The following ADGRL2 variants were observed in gnomAD, a reference collection of about 807,000 sequenced individuals.
ADGRL2 encodes calcium-independent alpha-latrotoxin receptor 2.
In ADGRL2, 44 loss-of-function variants were observed where a neutral mutation model predicts 157.4. The observed-to-expected ratio is 0.28, with a 90% confidence interval of 0.22 to 0.36. The LOEUF (loss-of-function observed/expected upper bound fraction) is 0.36. Among genes scored for constraint, ADGRL2 ranks in the 10% least tolerant of loss-of-function variants. The probability of loss-of-function intolerance (pLI) is 1.00; values close to 1 mark genes in which losing one functional copy is unlikely to be tolerated. For missense variants in ADGRL2, 1,510 were observed against 1,768.9 expected, an observed-to-expected ratio of 0.85 and a Z score of 2.63; for synonymous variants, 585 against 624.7, an observed-to-expected ratio of 0.94 and a Z score of 0.95.
intron 3 of ADGRL2, among the ~76,000 whole-genome samples, chr1:81,599,506 A>C (rs1186367048): frequency 6.6e-6 from 1 of 152,172 alleles, no homozygotes; most frequent in East Asian, 1.9e-4. Flanking sequence ...AGGAGTGTGT[A>C]GATGTTGTCT....
chr1:81,590,882 C>A (rs1557487880), intron 3 of ADGRL2, among the ~76,000 whole-genome samples: 1 of 152,146 alleles, frequency 6.6e-6, no homozygotes, highest in East Asian at 1.9e-4. Flanking sequence ...TCCTGTGTTA[C>A]AACAGAACAA....
rs562809401 is a variant in ADGRL2, at chr1:81,545,894, T to G, written c.-247-34982T>G. On this transcript the variant is annotated intron_variant, in intron 2 of 24. Transcript: ENST00000370721. ...AAAACAAGAGCCATGGGGCACACAC[T>G]GGCCTGGCCCTGACCATCACTACAT... Among the ~76,000 whole-genome samples the G allele has an allele frequency of 6.7e-4, 102 of 152,256 alleles. No individual in the cohort carries two copies. In the South Asian group the frequency reaches 0.021, roughly 31 times the overall value.
chr1:81,362,841 C>G (rs2076002810), intron 1 of ADGRL2, among the ~76,000 whole-genome samples: 1 of 152,014 alleles, frequency 6.6e-6, no homozygotes, highest in East Asian at 1.9e-4. Context: ...AGTGGTTAGC[C>G]CATGATTTAC....
At chr1:81,636,950 C>T (rs2082126825) in intron 3 of ADGRL2, among the ~76,000 whole-genome samples, 1 of 152,172 alleles carries the variant, frequency 6.6e-6, no homozygotes, top group Non-Finnish European at 1.5e-5. Context: ...ATTCTCCTGC[C>T]TCAACCTCCC....
At chr1:81,408,097 T>TA (rs2076886256) in intron 1 of ADGRL2, among the ~76,000 whole-genome samples, 1 of 152,228 alleles carries the variant, frequency 6.6e-6, no homozygotes, top group Non-Finnish European at 1.5e-5. Context: ...TCTCATTTGT[T>TA]ACGATGTACA....
chr1:81,987,643 T>A (rs1233137334), intron 22 of ADGRL2, among the ~76,000 whole-genome samples: 4 of 151,628 alleles, frequency 2.6e-5, no homozygotes, highest in African/African-American at 7.2e-5. Flanking sequence ...TAGCTTATTT[T>A]AAATAAAAGT....
At chr1:81,432,815 A>C (rs2077345582) in intron 1 of ADGRL2, among the ~76,000 whole-genome samples, 1 of 152,214 alleles carries the variant, frequency 6.6e-6, no homozygotes. Context: ...TTCCCTTGGA[A>C]GGCTTGGGGC....
chr1:81,984,498 C>T (rs1015555872), intron 19 of ADGRL2, 85 bp from the exon 20 acceptor site: 203 of 1,294,414 alleles, frequency 1.6e-4, no homozygotes, highest in Non-Finnish European at 1.9e-4. Flanking sequence ...TAATTCTTTT[C>T]GGTTGTCTTC....
At position 81,966,068 on chromosome 1, in the gene ADGRL2, T is replaced by C; in HGVS notation, c.2028T>C (p.Val676=). The C allele has an allele frequency of 6.2e-7, 1 of 1,613,946 alleles. No individual in the cohort carries two copies. The highest frequency in any genetic ancestry group is 8.5e-7 in the Non-Finnish European group (1 of 1,179,906). Residue 676 remains valine (V), a synonymous_variant, in exon 12 of 24, where the codon GTT becomes GTC. Coordinates refer to ENST00000686636, the MANE Select transcript of ADGRL2 (RefSeq NM_001366006.2). ...SMPTENIVLE[V]AVLSTEGQIQ... is the part of the protein sequence containing the mutation. ...TTTTCCCTCATCCAGTCCTGGAAGTTGCCGTACTCAGTACAGAAGGACAGA... is the reference window on the plus strand; with the variant it reads ...TTTTCCCTCATCCAGTCCTGGAAGTCGCCGTACTCAGTACAGAAGGACAGA...
intron 2 of ADGRL2, among the ~76,000 whole-genome samples, chr1:81,523,898 C>T (rs1185301418): frequency 1.3e-5 from 2 of 151,810 alleles, no homozygotes; most frequent in Non-Finnish European, 2.9e-5. Context: ...CTCGTCTCTA[C>T]TAAAAATACA....
chr1:81,374,578 G>GA (rs71242588), intron 1 of ADGRL2, among the ~76,000 whole-genome samples: 10 of 130,262 alleles, frequency 7.7e-5, no homozygotes, highest in African/African-American at 1.2e-4. Context: ...TCTCAAAAAA[G>GA]AAAAAAAAAA....
intron 2 of ADGRL2, among the ~76,000 whole-genome samples, chr1:81,889,837 A>T (rs2094215294): frequency 6.6e-6 from 1 of 152,128 alleles, no homozygotes; most frequent in Non-Finnish European, 1.5e-5. Context: ...TTCATTTACC[A>T]TTTCAAAAAT....
chr1:81,910,245 A>AATAATAATG (rs2094686694), intron 3 of ADGRL2, among the ~76,000 whole-genome samples: 1 of 11,336 alleles, frequency 8.8e-5, no homozygotes, highest in Non-Finnish European at 1.8e-4. Context: ...CCTAAAAAAC[A>AATAATAATG]ATAATAATAA....
chr1:81,900,166 A>G (rs1237453672), intron 2 of ADGRL2, among the ~76,000 whole-genome samples: 1 of 152,164 alleles, frequency 6.6e-6, no homozygotes, highest in East Asian at 1.9e-4. Context: ...ATCAGGAAAT[A>G]TTTATACAGT....
At chr1:81,355,170 G>A (rs1663187014) in intron 1 of ADGRL2, among the ~76,000 whole-genome samples, 1 of 151,972 alleles carries the variant, frequency 6.6e-6, no homozygotes. Context: ...GGCCAAAATG[G>A]TGAAACCCCA....
In ADGRL2 at chr1:81,832,961, A is replaced by C. The variant is rs562560574; in HGVS notation, c.-100-3924A>C. ...TGAATAACCTGATTGAGGTTCAGCT[A>C]AAGTGAAATAAAACTATAATTTATT... On this transcript the variant is annotated intron_variant, in intron 1 of 23. Transcript: ENST00000686636. Among the ~76,000 whole-genome samples, 3 of 152,350 alleles carry C rather than the reference A, an allele frequency of 2.0e-5. No individual in the cohort carries two copies. In the East Asian group the frequency reaches 5.8e-4, roughly 29 times the overall value.
intron 2 of ADGRL2, among the ~76,000 whole-genome samples, chr1:81,771,977 C>A (rs922502387): frequency 2.0e-5 from 3 of 152,092 alleles, no homozygotes; most frequent in Non-Finnish European, 4.4e-5. Context: ...TGGCTGGGTG[C>A]GGTGGCTTAT....
chr1:81,907,263 C>T, intron 3 of ADGRL2, 33 bp downstream of exon 3: 1 of 1,544,160 alleles, frequency 6.5e-7, no homozygotes, highest in Non-Finnish European at 9.0e-7. Context: ...CCCATTTGAG[C>T]TATTGTATCC....
chr1:81,629,186 G>A (rs1231448421), intron 3 of ADGRL2, among the ~76,000 whole-genome samples: 2 of 152,112 alleles, frequency 1.3e-5, no homozygotes, highest in African/African-American at 2.4e-5. Flanking sequence ...AAGATGAAAA[G>A]GGTATTTTGA....
Sources: allele counts gnomAD v4.1 joint callset (sites outside exome capture counted in the v4.1 genomes callset), GRCh38; gene constraint gnomAD v4.1.1; transcripts MANE v1.5; gene names NCBI Gene and HGNC (gene_info 2026-07-23, HGNC 2026-07-21).